The following ADGRB3 variants were observed in gnomAD, a reference collection of about 807,000 sequenced individuals.
ADGRB3 encodes adhesion G protein-coupled receptor B3.
Under a neutral mutation model 193.4 loss-of-function variants are expected in ADGRB3, and 37 were observed. The ratio of observed to expected loss-of-function variants is 0.19; its 90% CI spans 0.15 to 0.25. The LOEUF (loss-of-function observed/expected upper bound fraction) is 0.25, where lower values mean the gene tolerates loss of function less well. Ranked by LOEUF, ADGRB3 falls within the 10% of genes least tolerant of loss-of-function variation. The pLI is 1.00. For missense variants in ADGRB3, 1,637 were observed against 1,852.9 expected, an observed-to-expected ratio of 0.88 and a Z score of 2.14; for synonymous variants, 690 against 644.2, an observed-to-expected ratio of 1.07 and a Z score of -1.08.
Position 68,639,094 on chromosome 6 carries a change from G to T in ADGRB3, c.419G>T (p.Gly140Val). 1.2e-6 allele frequency: 2 copies of T among 1,613,920 alleles called. No homozygotes were observed. Among genetic ancestry groups the T allele is most frequent in the Non-Finnish European group, 1.7e-6 (2 of 1,179,966 alleles). Residue 140 changes from glycine to valine, a missense_variant, in exon 3 of 32, where the codon GGA becomes GTA. Physicochemically the swap from Gly to Val is moderately radical, Grantham distance 109. This residue lies in a region of ADGRB3 where 365 missense variants were observed against 409.8 expected (regional missense o/e 0.89). Coordinates refer to ENST00000370598, the MANE Select transcript of ADGRB3 (RefSeq NM_001704.3). ...IRRVFPTNFP[G>V]LQKKGEEDQK... ...CGAGTATTTCCAACTAATTTCCCAG[G>T]ATTACAGAAAAAAGGGGAAGAAGAT...
chr6:69,096,797 G>A (rs1302887029), intron 17 of ADGRB3, among the ~76,000 whole-genome samples: 2 of 152,148 alleles, frequency 1.3e-5, no homozygotes, highest in African/African-American at 4.8e-5. Context: ...CTCTTTAAGT[G>A]CTTCATTTGA....
chr6:69,095,551 T>A (rs1023425712), intron 17 of ADGRB3, among the ~76,000 whole-genome samples: 2 of 152,206 alleles, frequency 1.3e-5, no homozygotes, highest in African/African-American at 4.8e-5. Flanking sequence ...GATATTAAAG[T>A]CCAGGCTAAA....
At chr6:69,013,781 G>A (rs1006906767) in intron 11 of ADGRB3, among the ~76,000 whole-genome samples, 3 of 151,946 alleles carry the variant, frequency 2.0e-5, no homozygotes, top group African/African-American at 7.2e-5. Context: ...ATACTATAAT[G>A]GAACAAATAA....
At chr6:68,975,690 T>C (rs991898842) in intron 10 of ADGRB3, among the ~76,000 whole-genome samples, 1 of 152,198 alleles carries the variant, frequency 6.6e-6, no homozygotes, top group Non-Finnish European at 1.5e-5. Context: ...ATATCATACA[T>C]TTTAAAATTA....
chr6:69,103,202 C>T (rs1253574994), intron 17 of ADGRB3, among the ~76,000 whole-genome samples: 1 of 152,124 alleles, frequency 6.6e-6, no homozygotes, highest in Non-Finnish European at 1.5e-5. Flanking sequence ...CTATCTTGAA[C>T]TTTAGAGAGA....
intron 13 of ADGRB3, among the ~76,000 whole-genome samples, chr6:69,042,647 T>G (rs550017784): frequency 1.3e-5 from 2 of 152,182 alleles, no homozygotes; most frequent in African/African-American, 4.8e-5. Flanking sequence ...CAATGCATCG[T>G]TCTCTCCTGA....
At chr6:69,113,591 T>C (rs1456230739) in intron 17 of ADGRB3, among the ~76,000 whole-genome samples, 1 of 152,118 alleles carries the variant, frequency 6.6e-6, no homozygotes, top group African/African-American at 2.4e-5. Context: ...TAAATATTTA[T>C]AGAAAATGAC....
chr6:69,087,566 A>G (rs1772586483), intron 17 of ADGRB3, among the ~76,000 whole-genome samples: 1 of 152,198 alleles, frequency 6.6e-6, no homozygotes, highest in Admixed American at 6.6e-5. Context: ...ATAAGCACTC[A>G]CCAAACACTG....
intron 17 of ADGRB3, among the ~76,000 whole-genome samples, chr6:69,157,136 C>G (rs957068423): frequency 1.3e-5 from 2 of 152,170 alleles, no homozygotes; most frequent in African/African-American, 2.4e-5. Flanking sequence ...CCCTCAGTTT[C>G]CCCATCTGTA....
At chr6:69,322,195 A>G (rs915497201) in intron 20 of ADGRB3, among the ~76,000 whole-genome samples, 2 of 151,866 alleles carry the variant, frequency 1.3e-5, no homozygotes, top group Non-Finnish European at 2.9e-5. Flanking sequence ...ATTCTTTTTT[A>G]TGGCTGCATA....
chr6:69,266,694 T>G lies in ADGRB3; in HGVS notation c.2814+27468T>G, dbSNP rs142074243. On this transcript the variant is annotated intron_variant, in intron 20 of 31. Coordinates refer to ENST00000370598, the MANE Select transcript of ADGRB3 (RefSeq NM_001704.3). ...CATACATACACACAAATATATTGATTATATATAAATTGTCTACCAAAACAA... is the reference window on the plus strand; with the variant it reads ...CATACATACACACAAATATATTGATGATATATAAATTGTCTACCAAAACAA... 4.8e-3 allele frequency among the ~76,000 whole-genome samples: 724 copies of G among 152,116 alleles called. 4 individuals carry two copies. The highest frequency in any genetic ancestry group is 7.4e-3 in the Non-Finnish European group (506 of 67,958).
chr6:69,230,296 G>T (rs113083461), intron 17 of ADGRB3, among the ~76,000 whole-genome samples: 1 of 151,894 alleles, frequency 6.6e-6, no homozygotes, highest in African/African-American at 2.4e-5. Context: ...CAAACTAGAC[G>T]CCATAATTAA....
chr6:69,191,692 C>T (rs867527373), intron 17 of ADGRB3, among the ~76,000 whole-genome samples: 4 of 152,094 alleles, frequency 2.6e-5, no homozygotes, highest in Admixed American at 6.6e-5. Context: ...TTGTTGAGTG[C>T]GTGCTATATG....
At chr6:68,956,497 T>C in intron 7 of ADGRB3, 148 bp from the exon 8 acceptor site, 1 of 1,108,414 alleles carries the variant, frequency 9.0e-7, no homozygotes, top group Non-Finnish European at 1.3e-6. Flanking sequence ...ATGCTCTATA[T>C]TTGACCTGTA....
At chr6:68,646,295 G>A (rs1358084089) in intron 3 of ADGRB3, among the ~76,000 whole-genome samples, 1 of 151,672 alleles carries the variant, frequency 6.6e-6, no homozygotes, top group African/African-American at 2.4e-5. Context: ...TGGCCAACAT[G>A]ATGAAACCCT....
chr6:68,874,624 A>G (rs1385906943), intron 3 of ADGRB3, among the ~76,000 whole-genome samples: 3 of 152,298 alleles, frequency 2.0e-5, no homozygotes, highest in African/African-American at 7.2e-5. Context: ...AAGAAAAACC[A>G]TATGACTTTA....
intron 10 of ADGRB3, among the ~76,000 whole-genome samples, chr6:68,988,595 A>G (rs1025901284): frequency 2.6e-5 from 4 of 152,152 alleles, no homozygotes; most frequent in East Asian, 1.9e-4. Context: ...CAAAAGAAAG[A>G]CCTAGGAATC....
chr6:69,228,640 T>C (rs1464609589), intron 17 of ADGRB3, among the ~76,000 whole-genome samples: 1 of 152,216 alleles, frequency 6.6e-6, no homozygotes, highest in Non-Finnish European at 1.5e-5. Flanking sequence ...TACCTGCTTC[T>C]AAATCTTATC....
chr6:69,078,539 C>A (rs1430175245), intron 17 of ADGRB3, among the ~76,000 whole-genome samples: 3 of 151,964 alleles, frequency 2.0e-5, no homozygotes, highest in Non-Finnish European at 4.4e-5. Flanking sequence ...TTTACACTAC[C>A]TATATTTCAT....
Sources: allele counts gnomAD v4.1 joint callset (sites outside exome capture counted in the v4.1 genomes callset), GRCh38; gene constraint gnomAD v4.1.1; regional missense constraint gnomAD v4.1.1; transcripts MANE v1.5; gene names NCBI Gene and HGNC (gene_info 2026-07-23, HGNC 2026-07-21).